The following TTLL8 variants were observed in gnomAD, a reference collection of about 807,000 sequenced individuals.
The protein encoded by TTLL8 is tubulin tyrosine ligase like 8.
Under a neutral mutation model 77.8 loss-of-function variants are expected in TTLL8, and 65 were observed. The observed-to-expected ratio is 0.84, with a 90% CI of 0.68 to 1.03. The LOEUF (loss-of-function observed/expected upper bound fraction) is 1.03, where lower values mean the gene tolerates loss of function less well. Among genes scored for constraint, TTLL8 ranks in the 50% least tolerant of loss-of-function variants. The pLI is 0.00. For missense variants in TTLL8, 910 were observed against 1,004.5 expected (o/e 0.91, Z 1.27); for synonymous variants, 402 against 422.8 (o/e 0.95, Z 0.60).
chr22:50,029,981 G>A (rs1359023815), intron 12 of TTLL8, among the ~76,000 whole-genome samples: 1 of 152,202 alleles, frequency 6.6e-6, no homozygotes, highest in African/African-American at 2.4e-5. Flanking sequence ...GGCCGGGCGT[G>A]GTGGCTCAGG....
At position 50,041,807 on chromosome 22, in the gene TTLL8, T is replaced by C. The variant is rs1312310994; in HGVS notation, c.644A>G (p.Asp215Gly). 2.2e-6 allele frequency: 3 copies of C among 1,360,148 alleles called. No homozygotes were observed. The highest frequency in any genetic ancestry group is 3.0e-5 in the African/African-American group (2 of 67,582). The allele number at this position is 1,360,148 out of a possible 1,614,324, so 84.3% of individuals were successfully genotyped here. A position where few individuals can be genotyped will look rare whatever the true frequency, so the allele number is the denominator to read the frequency against. Residue 215 changes from aspartate (D) to glycine (G), a missense_variant and splice_region_variant, in exon 7 of 14, where the codon GAT (aspartate) becomes GGT (glycine). Physicochemically the swap from Asp to Gly is moderately conservative, Grantham distance 94 (BLOSUM62 -1). Coordinates refer to ENST00000266182, the Ensembl canonical transcript of TTLL8. The surrounding 1 kb of genome is among the most constrained non-coding windows in gnomAD (Gnocchi z 4.3). ...GAGCTTTGCCTCAGCATTTTCAGCATCTGAAACCCAGACACAGGCACATGC... is the reference window on the plus strand; with the variant it reads ...GAGCTTTGCCTCAGCATTTTCAGCACCTGAAACCCAGACACAGGCACATGC...
At chr22:50,019,603 G>A (rs763269534) in intron 12 of TTLL8, among the ~76,000 whole-genome samples, 16 of 152,192 alleles carry the variant, frequency 1.1e-4, no homozygotes, top group Non-Finnish European at 1.8e-4. Flanking sequence ...GGGAGGGACT[G>A]ATGGGGGGTG....
intron 12 of TTLL8, among the ~76,000 whole-genome samples, chr22:50,025,389 G>A (rs1007356968): frequency 2.0e-5 from 3 of 151,968 alleles, no homozygotes; most frequent in South Asian, 2.1e-4. Context: ...AGAAGAGGCC[G>A]GGCGCGGGGG....
chr22:50,020,526 T>C (rs974862854), intron 12 of TTLL8, among the ~76,000 whole-genome samples: 2 of 145,716 alleles, frequency 1.4e-5, no homozygotes, highest in Non-Finnish European at 3.0e-5. Context: ...CACTCCTCCA[T>C]CTGATGATGT....
rs900763369 is a variant in TTLL8 at position 50,031,676 on chromosome 22, C to A, written c.1707+10G>T. On this transcript the variant is annotated intron_variant, in intron 11 of 13. Transcript: ENST00000266182. Reference sequence around the variant, plus strand: ...GGCCACCAAAGTCCCCAGGGGCGGGCGTGGCTCACCTGCCTCCACAGGAGC... The same window carrying A: ...GGCCACCAAAGTCCCCAGGGGCGGGAGTGGCTCACCTGCCTCCACAGGAGC... The A allele has an allele frequency of 9.5e-6, 12 of 1,267,266 alleles. No individual in the cohort carries two copies. The highest frequency in any genetic ancestry group is 5.3e-5 in the East Asian group (1 of 18,866). The allele number at this position is 1,267,266 out of a possible 1,614,324, so 78.5% of individuals were successfully genotyped here.
rs1277130271 is a variant in TTLL8 at position 50,020,542 on chromosome 22, C to G, written c.2204-3980G>C. On this transcript the variant is annotated intron_variant, in intron 12 of 13. Coordinates refer to ENST00000266182, the Ensembl canonical transcript of TTLL8. ...ACTCCTCCATCTGATGATGTGTACT[C>G]CTCCATCTGACATGCACTCCTCCAT... is the stretch of plus-strand genomic sequence containing the variant. 2.0e-5 allele frequency among the ~76,000 whole-genome samples: 3 copies of G among 151,184 alleles called. No individual in the cohort carries two copies. The South Asian group carries it at 6.4e-4, about 32-fold the overall frequency.
chr22:50,025,855 G>A (rs1482157660), intron 12 of TTLL8, among the ~76,000 whole-genome samples: 4 of 152,158 alleles, frequency 2.6e-5, no homozygotes, highest in African/African-American at 4.8e-5. Context: ...ACACCTACCA[G>A]ACTGGCTAAA....
At chr22:50,040,376 G>A (rs1313259163) in intron 8 of TTLL8, among the ~76,000 whole-genome samples, 3 of 152,188 alleles carry the variant, frequency 2.0e-5, no homozygotes, top group Admixed American at 6.5e-5. Context: ...GTGTGCCAGC[G>A]TGGACGGACC....
At chr22:50,050,164 G>A in exon 2 of TTLL8, 1 of 1,366,856 alleles carries the variant, frequency 7.3e-7, no homozygotes, top group South Asian at 1.1e-5. Context: ...GCAAAAAGTG[G>A]AACTTCTTCT....
At chr22:50,058,226 G>A (rs1405284891), upstream of TTLL8, among the ~76,000 whole-genome samples, 6 of 151,574 alleles carry the variant, frequency 4.0e-5, no homozygotes, top group East Asian at 5.8e-4. The surrounding 1 kb of genome is among the most constrained non-coding windows in gnomAD (Gnocchi z 4.2). Flanking sequence ...TGCTGGGGCG[G>A]CCACGCGCAT....
rs1388684206 is a variant in TTLL8, at chr22:50,034,615, G to A, written c.922-153C>T. 2 of 747,700 alleles carry A rather than the reference G, an allele frequency of 2.7e-6. No individual in the cohort carries two copies. The highest frequency in any genetic ancestry group is 1.3e-4 in the East Asian group (2 of 15,160). 46.3% of individuals were successfully genotyped at this position (747,700 alleles called of 1,614,324 possible). A position where few individuals can be genotyped will look rare whatever the true frequency, so the allele number is the denominator to read the frequency against. ...GGTCTGGGGCTGGCCTGGCGGGAAA[G>A]GGCTGCGGGTCGGCCCAGGAAGTTC... On this transcript the variant is annotated intron_variant, in intron 8 of 13. Coordinates refer to ENST00000266182, the Ensembl canonical transcript of TTLL8. This position sits in a 1 kb window ranked among gnomAD's most constrained non-coding sequence, Gnocchi z 4.1.
intron 1 of TTLL8, among the ~76,000 whole-genome samples, chr22:50,053,697 C>T (rs1004641919): frequency 9.9e-5 from 15 of 152,250 alleles, no homozygotes; most frequent in Middle Eastern, 6.8e-3. Flanking sequence ...ATAGCGCATC[C>T]ATGGTTGCCA....
At chr22:50,028,618 G>A (rs142251789) in intron 12 of TTLL8, among the ~76,000 whole-genome samples, 1,606 of 90,480 alleles carry the variant, frequency 0.018, 30 homozygotes, top group East Asian at 0.047. Flanking sequence ...ACACCGTCCT[G>A]AAGACCCCCA....
chr22:50,023,178 T>C (rs738332), intron 12 of TTLL8, among the ~76,000 whole-genome samples: 59,313 of 152,108 alleles, frequency 0.39, 11,790 homozygotes, highest in South Asian at 0.49. Context: ...AATATACTTA[T>C]AAAAGTATCA....
Position 50,026,302 on chromosome 22 carries a change from AC to A in TTLL8, c.2203+4127del, listed in dbSNP as rs1386292110. Reference sequence around the variant, plus strand: ...ACAGCCGCCACCCTGCACAGCCGCCACCTCAGAGGGGAGGGTCAGACACAGA... The same window carrying A: ...ACAGCCGCCACCCTGCACAGCCGCCACTCAGAGGGGAGGGTCAGACACAGA... On this transcript the variant is annotated intron_variant, in intron 12 of 13. Coordinates refer to ENST00000266182, the Ensembl canonical transcript of TTLL8. 6.9e-5 allele frequency among the ~76,000 whole-genome samples: 9 copies of A among 130,672 alleles called. 1 individual carries two copies. In the South Asian group the frequency reaches 2.1e-3, roughly 31 times the overall value. 85.7% of individuals were successfully genotyped at this position (130,672 alleles called of 152,430 possible).
upstream of TTLL8, among the ~76,000 whole-genome samples, chr22:50,057,440 GT>G (rs2061482309): frequency 8.0e-6 from 1 of 124,506 alleles, no homozygotes; most frequent in Non-Finnish European, 1.7e-5. Context: ...TCAGGTCTGG[GT>G]TGGGGGTCAG....
intron 8 of TTLL8, among the ~76,000 whole-genome samples, chr22:50,039,876 G>A (rs1353245934): frequency 1.3e-5 from 2 of 150,870 alleles, no homozygotes; most frequent in Admixed American, 1.3e-4. Flanking sequence ...GACCTCATGT[G>A]TGTCGGTGTG....
At chr22:50,050,614 G>C (rs2061439133) in intron 1 of TTLL8, among the ~76,000 whole-genome samples, 1 of 152,006 alleles carries the variant, frequency 6.6e-6, no homozygotes, top group African/African-American at 2.4e-5. Flanking sequence ...CAAAAAGTTG[G>C]GGGAAAAGAA....
chr22:50,049,012 G>A (rs942549287), intron 3 of TTLL8, among the ~76,000 whole-genome samples: 1 of 152,236 alleles, frequency 6.6e-6, no homozygotes, highest in Non-Finnish European at 1.5e-5. Context: ...GTGGAGGGGA[G>A]CTGGGAGCAC....
Sources: allele counts gnomAD v4.1 joint callset (sites outside exome capture counted in the v4.1 genomes callset), GRCh38; gene constraint gnomAD v4.1.1; non-coding constraint Gnocchi (gnomAD v3.1); transcripts MANE v1.5; gene names NCBI Gene and HGNC (gene_info 2026-07-23, HGNC 2026-07-21).